The following UBR1 variants were observed in gnomAD, a reference collection of about 807,000 sequenced individuals.
The protein encoded by UBR1 is ubiquitin protein ligase E3 component n-recognin 1, also known as E3 ubiquitin-protein ligase UBR1.
In UBR1, 102 loss-of-function variants were observed where a neutral mutation model predicts 242.1. The observed-to-expected ratio is 0.42, with a 90% confidence interval of 0.36 to 0.50. UBR1 has a LOEUF of 0.50. Among genes scored for constraint, UBR1 ranks in the 20% least tolerant of loss-of-function variants. The pLI is 0.01. For missense variants in UBR1, 1,772 were observed against 2,101.8 expected, an observed-to-expected ratio of 0.84 and a Z score of 3.07; for synonymous variants, 675 against 684.8, an observed-to-expected ratio of 0.99 and a Z score of 0.22.
At chr15:43,049,353 G>C (rs1342589075) in intron 12 of UBR1, among the ~76,000 whole-genome samples, 2 of 152,156 alleles carry the variant, frequency 1.3e-5, no homozygotes, top group East Asian at 1.9e-4. Flanking sequence ...CACGAGGTCA[G>C]GAGATTGAGA....
chr15:42,988,708 C>G, intron 35 of UBR1, 111 bp downstream of exon 35: 1 of 1,421,984 alleles, frequency 7.0e-7, no homozygotes, highest in South Asian at 1.2e-5. Flanking sequence ...ACTAATAGTC[C>G]TCATACAAGT....
rs535405759 is a variant in UBR1 at position 43,005,328 on chromosome 15, G to A, written c.3416-1398C>T. ...CGCCCGGCAGCCGCCCCATCCGGGA[G>A]GTGGGGGGCAGCCCCCGCCTGGCCA... On this transcript the variant is annotated intron_variant, in intron 30 of 46. Coordinates refer to ENST00000290650, the MANE Select transcript of UBR1 (RefSeq NM_174916.3). Among the ~76,000 whole-genome samples, 394 of 150,128 alleles carry A rather than the reference G, an allele frequency of 2.6e-3. 1 individual carries two copies. Among genetic ancestry groups the A allele is most frequent in the Non-Finnish European group, 4.6e-3 (310 of 67,358 alleles).
At chr15:43,073,207 T>C (rs561365693) in intron 4 of UBR1, among the ~76,000 whole-genome samples, 16 of 152,264 alleles carry the variant, frequency 1.1e-4, no homozygotes, top group African/African-American at 3.9e-4. Flanking sequence ...TATCACTTCA[T>C]TATTAATGAT....
intron 3 of UBR1, among the ~76,000 whole-genome samples, chr15:43,078,323 A>G (rs1037176996): frequency 6.6e-6 from 1 of 152,190 alleles, no homozygotes; most frequent in Non-Finnish European, 1.5e-5. Context: ...AAAGGGATAT[A>G]AGGGAAAATT....
intron 15 of UBR1, among the ~76,000 whole-genome samples, chr15:43,042,024 G>A (rs2033426041): frequency 6.6e-6 from 1 of 152,032 alleles, no homozygotes; most frequent in East Asian, 1.9e-4. Flanking sequence ...GGGGAAAAAA[G>A]GAGAAATAGC....
intron 1 of UBR1, among the ~76,000 whole-genome samples, chr15:43,103,379 T>C (rs1596146404): frequency 1.3e-5 from 2 of 152,244 alleles, no homozygotes; most frequent in African/African-American, 4.8e-5. Context: ...AAAAAGGATG[T>C]TATCCATTCC....
At chr15:42,962,186 A>G (rs1453594948) in intron 42 of UBR1, among the ~76,000 whole-genome samples, 1 of 152,116 alleles carries the variant, frequency 6.6e-6, no homozygotes, top group Non-Finnish European at 1.5e-5. Flanking sequence ...GTCTTACTAG[A>G]AAAACAGAAA....
intron 4 of UBR1, among the ~76,000 whole-genome samples, chr15:43,073,593 T>C (rs534226571): frequency 3.8e-4 from 58 of 152,358 alleles, no homozygotes; most frequent in African/African-American, 1.4e-3. Flanking sequence ...AAATTGATAG[T>C]ACAGCTACTT....
intron 35 of UBR1, chr15:42,988,453 C>G (rs56071832): frequency 0.012 from 3,157 of 271,898 alleles, 96 homozygotes; most frequent in African/African-American, 0.067. Flanking sequence ...TACCACCACG[C>G]CTGGCTAATT....
intron 30 of UBR1, among the ~76,000 whole-genome samples, chr15:43,004,732 C>A (rs2032780430): frequency 6.6e-6 from 1 of 152,258 alleles, no homozygotes; most frequent in African/African-American, 2.4e-5. Flanking sequence ...CTCGCTACAA[C>A]CCCCTCCTCC....
At chr15:42,950,024 C>G (rs2031803893) in intron 46 of UBR1, among the ~76,000 whole-genome samples, 1 of 151,170 alleles carries the variant, frequency 6.6e-6, no homozygotes, top group Non-Finnish European at 1.5e-5. Flanking sequence ...TTTTTAGTAG[C>G]GACGGGTTTT....
chr15:43,087,460 C>G lies in UBR1; in HGVS notation c.82-1220G>C, dbSNP rs561616284. 7.0e-4 allele frequency among the ~76,000 whole-genome samples: 107 copies of G among 152,050 alleles called. 1 individual carries two copies. Among genetic ancestry groups the G allele is most frequent in the African/African-American group, 2.5e-3 (103 of 41,486 alleles). The stretch of plus-strand genomic sequence containing the variant: ...TAAGATTTTAGATAAGGTTCCATAA[C>G]AGGTCATTAAGGAAAGTTACAGATA... On this transcript the variant is annotated intron_variant, in intron 1 of 46. Transcript: ENST00000290650.
chr15:43,010,818 C>CAAAAAAAAAAAAA (rs768275252), intron 29 of UBR1, among the ~76,000 whole-genome samples: 15 of 56,906 alleles, frequency 2.6e-4, no homozygotes, highest in Non-Finnish European at 3.6e-4. Flanking sequence ...ACTAAAAATA[C>CAAAAAAAAAAAAA]AAAAAAAAAA....
rs567370762 is a variant in UBR1, at chr15:42,984,832, G to C, written c.4053+55C>G. The C allele has an allele frequency of 2.9e-5, 42 of 1,435,958 alleles. No individual in the cohort carries two copies. In the African/African-American group the frequency reaches 4.6e-4, roughly 16 times the overall value. 89.0% of individuals were successfully genotyped at this position (1,435,958 alleles called of 1,614,324 possible). On this transcript the variant is annotated intron_variant, in intron 36 of 46. Transcript: ENST00000290650. Reference sequence around the variant, plus strand: ...TTTTTTGTTTTTAATAATAAACTGTGGGGGGGAAAAAAGGCATGCCATGAG... The same window carrying C: ...TTTTTTGTTTTTAATAATAAACTGTCGGGGGGAAAAAAGGCATGCCATGAG...
chr15:43,015,959 T>C lies in UBR1; in HGVS notation c.3028-90A>G, dbSNP rs1596102808. 3 of 1,227,892 alleles carry C rather than the reference T, an allele frequency of 2.4e-6. No individual in the cohort carries two copies. In the East Asian group the frequency reaches 7.1e-5, roughly 29 times the overall value. 76.1% of individuals were successfully genotyped at this position (1,227,892 alleles called of 1,614,324 possible). A position where few individuals can be genotyped will look rare whatever the true frequency, so the allele number is the denominator to read the frequency against. On this transcript the variant is annotated intron_variant, in intron 28 of 46. Transcript: ENST00000290650. ...GATGGCAAAATTCCTTAGAATAAGA[T>C]TCTGAAACCCTGATTACCCCTTACA...
At chr15:43,045,359 T>C (rs1191080533) in intron 14 of UBR1, among the ~76,000 whole-genome samples, 1 of 151,976 alleles carries the variant, frequency 6.6e-6, no homozygotes, top group African/African-American at 2.4e-5. Flanking sequence ...CCCAGCGACT[T>C]TGGAGGCTAA....
In UBR1 at chr15:43,047,387, A is replaced by T; in HGVS notation, c.1540-98T>A. 27 of 1,570,056 alleles carry T rather than the reference A, an allele frequency of 1.7e-5. 1 individual carries two copies. The South Asian group carries it at 3.0e-4, about 17-fold the overall frequency. On this transcript the variant is annotated intron_variant, in intron 13 of 46. Coordinates refer to ENST00000290650, the MANE Select transcript of UBR1 (RefSeq NM_174916.3). ...AACTGTCAGGATTCATAACATTTTA[A>T]CATGGTTGTTACACTGGGTCAGAAT...
intron 29 of UBR1, among the ~76,000 whole-genome samples, chr15:43,015,322 C>G (rs1246098385): frequency 6.6e-6 from 1 of 152,018 alleles, no homozygotes; most frequent in South Asian, 2.1e-4. Context: ...GCCTTGGGAT[C>G]CTGTTGATCT....
At chr15:43,077,666 A>G (rs980529169) in intron 3 of UBR1, among the ~76,000 whole-genome samples, 7 of 139,244 alleles carry the variant, frequency 5.0e-5, no homozygotes, top group South Asian at 4.3e-4. Flanking sequence ...AAAATCTGAG[A>G]AAAAAAAAAA....
Sources: gnomAD v4.1 joint callset for allele counts (sites outside exome capture counted in the v4.1 genomes callset) on GRCh38, gnomAD v4.1.1 for gene constraint, MANE v1.5 for transcripts, NCBI Gene and HGNC (gene_info 2026-07-23, HGNC 2026-07-21) for gene names.